CSMD2: variants seen among roughly 807,000 people sequenced by gnomAD.
The protein encoded by CSMD2 is CUB and Sushi multiple domains 2, also known as CUB and sushi domain-containing protein 2.
Under a neutral mutation model 398.5 loss-of-function variants are expected in CSMD2, and 130 were observed. The ratio of observed to expected loss-of-function variants is 0.33; its 90% CI spans 0.28 to 0.38. CSMD2 has a LOEUF of 0.38. CSMD2 is among the 10% of genes least tolerant of loss of function. CSMD2 has a pLI of 1.00. For missense variants in CSMD2, 3,829 were observed against 4,764.9 expected (o/e 0.80, Z 5.78); for synonymous variants, 1,828 against 1,908.5 (o/e 0.96, Z 1.10).
At chr1:33,818,370 G>C (rs962212214) in intron 9 of CSMD2, among the ~76,000 whole-genome samples, 1 of 152,150 alleles carries the variant, frequency 6.6e-6, no homozygotes, top group African/African-American at 2.4e-5. Context: ...AGAAGTCCTT[G>C]CCCTATAGAG....
At chr1:34,106,817 T>A (rs1458384328) in intron 1 of CSMD2, among the ~76,000 whole-genome samples, 1 of 152,194 alleles carries the variant, frequency 6.6e-6, no homozygotes, top group African/African-American at 2.4e-5. Flanking sequence ...TTCGTGGGAA[T>A]AATCCCATGC....
rs116144955 is a variant in CSMD2, at chr1:33,958,266, G to C, written c.518-22312C>G. Among the ~76,000 whole-genome samples the C allele has an allele frequency of 5.8e-3, 880 of 152,236 alleles. 6 individuals are homozygous for C. The highest frequency in any genetic ancestry group is 0.031 in the Middle Eastern group (9 of 294). Reference sequence around the variant, plus strand: ...TCACTTGTAAATGAGGACAATGATAGTACCTATCACATAGCATTGTTCTGA... The same window carrying C: ...TCACTTGTAAATGAGGACAATGATACTACCTATCACATAGCATTGTTCTGA... On this transcript the variant is annotated intron_variant, in intron 3 of 70. Coordinates refer to ENST00000373381, the MANE Select transcript of CSMD2 (RefSeq NM_001281956.2).
At chr1:33,534,228 G>A (rs1030980242) in intron 62 of CSMD2, among the ~76,000 whole-genome samples, 9 of 152,184 alleles carry the variant, frequency 5.9e-5, no homozygotes, top group African/African-American at 2.2e-4. Context: ...ATGGAACTCT[G>A]TAAACCTTAG....
intron 2 of CSMD2, among the ~76,000 whole-genome samples, chr1:34,082,204 C>G (rs1657270295): frequency 6.6e-6 from 1 of 150,714 alleles, no homozygotes; most frequent in Non-Finnish European, 1.5e-5. Flanking sequence ...ACCCGGCCGC[C>G]ACCCCGTCTG....
At chr1:33,739,415 A>T (rs1266876023) in intron 14 of CSMD2, 81 bp from the exon 15 acceptor site, 1 of 1,362,800 alleles carries the variant, frequency 7.3e-7, no homozygotes, top group Non-Finnish European at 1.0e-6. Context: ...CTTCCTTGGG[A>T]TGGGAAACCC....
At chr1:33,881,009 T>C (rs919895781) in intron 5 of CSMD2, among the ~76,000 whole-genome samples, 1 of 152,250 alleles carries the variant, frequency 6.6e-6, no homozygotes, top group Non-Finnish European at 1.5e-5. Context: ...GCCCAGGCAC[T>C]GTGCTAAACA....
intron 3 of CSMD2, among the ~76,000 whole-genome samples, chr1:34,016,828 T>C (rs1228465889): frequency 6.6e-6 from 1 of 152,220 alleles, no homozygotes; most frequent in African/African-American, 2.4e-5. Flanking sequence ...TGTATGTATA[T>C]TTGCTTTACG....
intron 3 of CSMD2, among the ~76,000 whole-genome samples, chr1:33,992,252 T>C (rs1023277054): frequency 6.6e-6 from 1 of 152,146 alleles, no homozygotes; most frequent in Non-Finnish European, 1.5e-5. Context: ...TAAAAGTGCA[T>C]TGATGATGGT....
At chr1:33,846,432 G>C (rs995878272) in intron 6 of CSMD2, among the ~76,000 whole-genome samples, 2 of 152,252 alleles carry the variant, frequency 1.3e-5, no homozygotes, top group African/African-American at 4.8e-5. Context: ...TGGTGGTTAA[G>C]AGGGTGGGCT....
In CSMD2 at chr1:33,868,007, T is replaced by C. The variant is rs533938911; in HGVS notation, c.921-21011A>G. ...AACTAACTCCATTAACAGTCCTTTA[T>C]GAAAAAGACAATAGGAGGGTCTGAA... On this transcript the variant is annotated intron_variant, in intron 5 of 70. Coordinates refer to ENST00000373381, the MANE Select transcript of CSMD2 (RefSeq NM_001281956.2). Among the ~76,000 whole-genome samples, 9 of 152,274 alleles carry C rather than the reference T, an allele frequency of 5.9e-5. No homozygotes were observed. The East Asian group carries it at 1.3e-3, about 23-fold the overall frequency.
intron 13 of CSMD2, among the ~76,000 whole-genome samples, chr1:33,753,530 T>G (rs1358204544): frequency 1.3e-5 from 2 of 151,980 alleles, no homozygotes; most frequent in African/African-American, 4.8e-5. Flanking sequence ...TGATGTGGAG[T>G]GGCAATGTGG....
intron 1 of CSMD2, among the ~76,000 whole-genome samples, chr1:34,140,478 T>C (rs1438340194): frequency 6.6e-6 from 1 of 152,124 alleles, no homozygotes; most frequent in Non-Finnish European, 1.5e-5. Flanking sequence ...TCAAGGCAAG[T>C]GTTCTCCCAA....
chr1:33,676,139 T>A (rs927488085), intron 25 of CSMD2, among the ~76,000 whole-genome samples: 6 of 152,120 alleles, frequency 3.9e-5, no homozygotes, highest in African/African-American at 1.4e-4. Context: ...AAATAAAGGG[T>A]ATTCAATTAG....
At chr1:33,665,458 CTCTT>C (rs1644276830) in intron 25 of CSMD2, among the ~76,000 whole-genome samples, 4 of 122,182 alleles carry the variant, frequency 3.3e-5, no homozygotes, top group South Asian at 2.6e-4. Context: ...TCTTTCTTCT[CTCTT>C]TTTTTTTTTT....
At chr1:33,860,432 A>G (rs888798258) in intron 5 of CSMD2, 1 of 152,208 alleles carries the variant, frequency 6.6e-6, no homozygotes, top group Non-Finnish European at 1.5e-5. Flanking sequence ...TGTGATCTCA[A>G]CATGACCTGT....
intron 13 of CSMD2, among the ~76,000 whole-genome samples, chr1:33,746,388 T>C (rs897011168): frequency 6.6e-6 from 1 of 152,154 alleles, no homozygotes; most frequent in African/African-American, 2.4e-5. Flanking sequence ...AGAGGGAAGA[T>C]GGTCAGGGGC....
At chr1:34,089,477 C>T (rs1453170952) in intron 1 of CSMD2, among the ~76,000 whole-genome samples, 1 of 152,202 alleles carries the variant, frequency 6.6e-6, no homozygotes, top group East Asian at 1.9e-4. Context: ...CTGAACTACA[C>T]AGCCACCAAT....
intron 13 of CSMD2, among the ~76,000 whole-genome samples, chr1:33,749,963 T>C (rs1334314906): frequency 6.6e-6 from 1 of 152,164 alleles, no homozygotes; most frequent in Non-Finnish European, 1.5e-5. Context: ...CACACAATCA[T>C]ATCCACCAAC....
rs370577143 is a variant in CSMD2, at chr1:33,517,087, C to T, written c.*54-517G>A. Among the ~76,000 whole-genome samples, 173 of 152,262 alleles carry T rather than the reference C, an allele frequency of 1.1e-3. 3 individuals carry two copies. The South Asian group carries it at 0.031, about 27-fold the overall frequency. ...CCCGCCCTGTTACTCACTGACCGCA[C>T]AGGCCTCGTTGCTTCCTTAGTAGGG... On this transcript the variant is annotated intron_variant, in intron 70 of 70. Transcript: ENST00000373381.
Sources: gnomAD v4.1 joint callset for allele counts (sites outside exome capture counted in the v4.1 genomes callset) on GRCh38, gnomAD v4.1.1 for gene constraint, MANE v1.5 for transcripts, NCBI Gene and HGNC (gene_info 2026-07-23, HGNC 2026-07-21) for gene names.